ABCC2: variants seen among roughly 807,000 people sequenced by gnomAD.
ABCC2 encodes ATP-binding cassette sub-family C member 2.
In ABCC2, 157 loss-of-function variants were observed where a neutral mutation model predicts 173.4. The ratio of observed to expected loss-of-function variants is 0.91; its 90% CI spans 0.80 to 1.03. The LOEUF is 1.03. Among genes scored for constraint, ABCC2 ranks in the 50% least tolerant of loss-of-function variants. The pLI is 0.00. For missense variants in ABCC2, 1,822 were observed against 1,852.3 expected (o/e 0.98, Z 0.30); for synonymous variants, 657 against 693.5 (o/e 0.95, Z 0.83).
intron 19 of ABCC2, among the ~76,000 whole-genome samples, chr10:99,823,018 C>T (rs951496020): frequency 1.0e-3 from 154 of 151,266 alleles, no homozygotes; most frequent in African/African-American, 3.4e-3. Flanking sequence ...TGGCAAGTTG[C>T]CCATATGAAA....
At chr10:99,841,085 T>C (rs1328060771) in intron 25 of ABCC2, among the ~76,000 whole-genome samples, 2 of 152,172 alleles carry the variant, frequency 1.3e-5, no homozygotes, top group African/African-American at 4.8e-5. Flanking sequence ...GTGGCCAACT[T>C]GCACCTAACT....
At chr10:99,814,795 A>ACACACATG (rs1554851107) in intron 16 of ABCC2, among the ~76,000 whole-genome samples, 1 of 135,588 alleles carries the variant, frequency 7.4e-6, no homozygotes. Flanking sequence ...ACACACACAC[A>ACACACATG]TATGTGTGTG....
At chr10:99,791,613 G>A (rs1331570872) in intron 2 of ABCC2, among the ~76,000 whole-genome samples, 1 of 152,194 alleles carries the variant, frequency 6.6e-6, no homozygotes, top group Admixed American at 6.5e-5. Context: ...AAGTTCATAT[G>A]AGCTGTCTGG....
intron 2 of ABCC2, among the ~76,000 whole-genome samples, chr10:99,788,191 A>C (rs1306173293): frequency 6.6e-6 from 1 of 152,240 alleles, no homozygotes; most frequent in African/African-American, 2.4e-5. Flanking sequence ...GTGCTTTTAC[A>C]AACAGCTACG....
chr10:99,801,033 TC>T (rs1168523793), intron 9 of ABCC2, among the ~76,000 whole-genome samples: 1 of 152,138 alleles, frequency 6.6e-6, no homozygotes, highest in African/African-American at 2.4e-5. Context: ...GAGCTCCACC[TC>T]CCCAGACCAA....
intron 21 of ABCC2, 101 bp downstream of exon 21, chr10:99,830,952 T>C (rs2038728434): frequency 2.3e-6 from 3 of 1,319,646 alleles, no homozygotes; most frequent in Non-Finnish European, 3.2e-6. Flanking sequence ...ACAGGAGCAA[T>C]ATGTCCTCTG....
At chr10:99,804,383 AG>A in intron 10 of ABCC2, 110 bp downstream of exon 10, 3 of 1,434,056 alleles carry the variant, frequency 2.1e-6, no homozygotes, top group African/African-American at 1.4e-5. Context: ...AGCTGGTGGA[AG>A]ACTTTCTACC....
chr10:99,825,427 T>C lies in ABCC2; in HGVS notation c.2621-4880T>C, dbSNP rs547759871. Among the ~76,000 whole-genome samples, 3 of 152,396 alleles carry C rather than the reference T, an allele frequency of 2.0e-5. No homozygotes were observed. In the East Asian group the frequency reaches 5.8e-4, roughly 29 times the overall value. ...TGTCTACCAACCCTTCAAACTGTTT[T>C]CCTTGAATAATGGCCTTACACACAG... On this transcript the variant is annotated intron_variant, in intron 19 of 31. Coordinates refer to ENST00000647814, the MANE Select transcript of ABCC2 (RefSeq NM_000392.5).
chr10:99,796,356 T>C (rs2037910939), intron 6 of ABCC2, among the ~76,000 whole-genome samples: 1 of 151,968 alleles, frequency 6.6e-6, no homozygotes, highest in African/African-American at 2.4e-5. Flanking sequence ...AATACAAAAT[T>C]AGCCAGGCGT....
intron 7 of ABCC2, among the ~76,000 whole-genome samples, chr10:99,798,357 A>T (rs547888403): frequency 6.6e-6 from 1 of 152,298 alleles, no homozygotes; most frequent in East Asian, 1.9e-4. Flanking sequence ...TCAGGAGGAC[A>T]TAATGAGGAG....
intron 5 of ABCC2, 47 bp from the exon 6 acceptor site, chr10:99,794,366 T>C (rs776285714): frequency 2.6e-6 from 4 of 1,529,742 alleles, no homozygotes; most frequent in Non-Finnish European, 3.6e-6. Flanking sequence ...TCCCATGAAG[T>C]TCCTGTCTCC....
At chr10:99,810,010 G>A (rs573310384) in intron 13 of ABCC2, 124 bp from the exon 14 acceptor site, 36 of 837,424 alleles carry the variant, frequency 4.3e-5, no homozygotes, top group African/African-American at 1.3e-4. Flanking sequence ...GGCTGAGTTC[G>A]GTGGAGATTA....
At chr10:99,785,429 C>T (rs1261049478) in intron 2 of ABCC2, among the ~76,000 whole-genome samples, 1 of 152,178 alleles carries the variant, frequency 6.6e-6, no homozygotes, top group Non-Finnish European at 1.5e-5. Context: ...TGTGGGAACC[C>T]AAGACCCTCA....
chr10:99,849,393 A>G (rs1424891559), intron 30 of ABCC2, among the ~76,000 whole-genome samples: 2 of 152,208 alleles, frequency 1.3e-5, no homozygotes, highest in Non-Finnish European at 2.9e-5. Context: ...ATGCTATGGT[A>G]GGGTACAATG....
intron 20 of ABCC2, 89 bp from the exon 21 acceptor site, chr10:99,830,627 C>G: frequency 6.2e-7 from 1 of 1,602,118 alleles, no homozygotes; most frequent in Non-Finnish European, 8.5e-7. Context: ...CTGAAATGCG[C>G]TTTGATGCCA....
At chr10:99,801,909 G>GAAGTCTAGTC (rs2038021704) in intron 9 of ABCC2, among the ~76,000 whole-genome samples, 1 of 152,148 alleles carries the variant, frequency 6.6e-6, no homozygotes, top group African/African-American at 2.4e-5. Context: ...CTTTAAATCA[G>GAAGTCTAGTC]AAGTCTAGTC....
intron 29 of ABCC2, among the ~76,000 whole-genome samples, 188 bp from the exon 30 acceptor site, chr10:99,846,773 C>A (rs1244284691): frequency 6.6e-6 from 1 of 152,144 alleles, no homozygotes; most frequent in African/African-American, 2.4e-5. Context: ...AACCCTGTGC[C>A]TAGCCCCTGG....
In ABCC2 at chr10:99,812,936, A is replaced by G. The variant is rs915037786; in HGVS notation, c.1968-82A>G. On this transcript the variant is annotated intron_variant, in intron 15 of 31. Coordinates refer to ENST00000647814, the MANE Select transcript of ABCC2 (RefSeq NM_000392.5). The stretch of plus-strand genomic sequence containing the variant: ...GGGAAATCTCCTGATACCAGACTTC[A>G]TGGAGACTCAGAGAAGTGACTTGAA... The G allele has an allele frequency of 4.5e-6, 7 of 1,565,088 alleles. No homozygotes were observed. In the African/African-American group the frequency reaches 9.5e-5, roughly 21 times the overall value.
chr10:99,825,867 C>T (rs1310063895), intron 19 of ABCC2, among the ~76,000 whole-genome samples: 1 of 152,226 alleles, frequency 6.6e-6, no homozygotes. Context: ...ATCGTGGTAA[C>T]TGGCTTATTC....
Sources: gnomAD v4.1 joint callset for allele counts (sites outside exome capture counted in the v4.1 genomes callset) on GRCh38, gnomAD v4.1.1 for gene constraint, MANE v1.5 for transcripts, NCBI Gene and HGNC (gene_info 2026-07-23, HGNC 2026-07-21) for gene names.